The following TBC1D4 variants were observed in gnomAD, a reference collection of about 807,000 sequenced individuals.
TBC1D4 encodes TBC1 domain family member 4.
TBC1D4 carries 121 observed loss-of-function variants against 142.5 expected under a neutral mutation model. The ratio of observed to expected loss-of-function variants is 0.85; its 90% confidence interval spans 0.73 to 0.99. The LOEUF is 0.99. TBC1D4 is among the 50% of genes least tolerant of loss of function. The pLI is 0.00. For synonymous variants in TBC1D4, 630 were observed against 628.2 expected, an observed-to-expected ratio of 1.00 and a Z score of -0.04; for missense variants, 1,475 against 1,606.6, an observed-to-expected ratio of 0.92 and a Z score of 1.40.
At chr13:75,395,057 AG>A in intron 1 of TBC1D4, among the ~76,000 whole-genome samples, 1 of 152,328 alleles carries the variant, frequency 6.6e-6, no homozygotes, top group South Asian at 2.1e-4. Context: ...GTTTGCAGGC[AG>A]TGTGTGTGAA....
At chr13:75,468,748 G>A (rs1263313243) in intron 1 of TBC1D4, among the ~76,000 whole-genome samples, 1 of 152,176 alleles carries the variant, frequency 6.6e-6, no homozygotes, top group Non-Finnish European at 1.5e-5. Flanking sequence ...ATCTTTGCCA[G>A]TAGACATTAA....
chr13:75,442,017 G>A (rs1390789017), intron 1 of TBC1D4, among the ~76,000 whole-genome samples: 1 of 152,218 alleles, frequency 6.6e-6, no homozygotes, highest in Non-Finnish European at 1.5e-5. Flanking sequence ...AAAATGAGTA[G>A]TCATAATTTC....
chr13:75,291,098 C>T (rs771479857), intron 19 of TBC1D4, among the ~76,000 whole-genome samples: 4 of 152,178 alleles, frequency 2.6e-5, no homozygotes, highest in African/African-American at 4.8e-5. Context: ...ACTACACATA[C>T]GGTGTGCAGA....
Position 75,372,229 on chromosome 13 carries a change from C to T in TBC1D4, c.499-9622G>A, listed in dbSNP as rs538198545. 7.3e-4 allele frequency among the ~76,000 whole-genome samples: 111 copies of T among 152,160 alleles called. 1 individual carries two copies. Among genetic ancestry groups the T allele is most frequent in the Admixed American group, 6.5e-3 (99 of 15,278 alleles). On this transcript the variant is annotated intron_variant, in intron 1 of 20. Transcript: ENST00000377636. ...TCAGCCTACTATCTATTTATTCAAC[C>T]AGATGCTCTTTATTTATAAAATTAG...
In TBC1D4 at chr13:75,439,969, C is replaced by A. The variant is rs547139929; in HGVS notation, c.498+41301G>T. Among the ~76,000 whole-genome samples the A allele has an allele frequency of 6.6e-5, 10 of 152,230 alleles. No homozygotes were observed. In the South Asian group the frequency reaches 1.5e-3, roughly 22 times the overall value. On this transcript the variant is annotated intron_variant, in intron 1 of 20. Coordinates refer to ENST00000377636, the MANE Select transcript of TBC1D4 (RefSeq NM_014832.5). ...CATTAACATCTGACTATAAACAGTA[C>A]CTTTTATGAAAAGATTCTTGTACAC...
intron 1 of TBC1D4, among the ~76,000 whole-genome samples, chr13:75,405,251 T>C (rs1182598836): frequency 6.8e-6 from 1 of 147,426 alleles, no homozygotes; most frequent in Non-Finnish European, 1.5e-5. Context: ...TCTGTGTGTA[T>C]ATATACATGT....
intron 1 of TBC1D4, among the ~76,000 whole-genome samples, chr13:75,403,399 TAAAG>T (rs1406649576): frequency 6.6e-6 from 1 of 152,250 alleles, no homozygotes; most frequent in East Asian, 1.9e-4. Context: ...TCATATTGCT[TAAAG>T]AAATTACATT....
chr13:75,332,593 C>T (rs184409902), intron 8 of TBC1D4, among the ~76,000 whole-genome samples: 3 of 13,956 alleles, frequency 2.1e-4, no homozygotes, highest in African/African-American at 2.6e-4. Flanking sequence ...ATTACTGGAC[C>T]CCACCCCGAG....
At chr13:75,420,372 G>A (rs1210813429) in intron 1 of TBC1D4, among the ~76,000 whole-genome samples, 2 of 152,190 alleles carry the variant, frequency 1.3e-5, no homozygotes, top group Non-Finnish European at 2.9e-5. Flanking sequence ...AAAAGTGAAT[G>A]TATAGCATGT....
At chr13:75,343,919 C>A (rs905484186) in intron 5 of TBC1D4, among the ~76,000 whole-genome samples, 47 of 152,300 alleles carry the variant, frequency 3.1e-4, no homozygotes, top group African/African-American at 1.0e-3. Context: ...CAGCTCACTG[C>A]AACCTCTGCC....
At chr13:75,477,805 A>G (rs1488011258) in intron 1 of TBC1D4, among the ~76,000 whole-genome samples, 2 of 152,240 alleles carry the variant, frequency 1.3e-5, no homozygotes, top group Non-Finnish European at 2.9e-5. Flanking sequence ...CTTCATGCCA[A>G]TGGGATTAAG....
At chr13:75,409,830 G>C (rs1885529865) in intron 1 of TBC1D4, among the ~76,000 whole-genome samples, 1 of 152,104 alleles carries the variant, frequency 6.6e-6, no homozygotes, top group Admixed American at 6.5e-5. Context: ...AGCTATAAAG[G>C]TCCCTTCTAA....
chr13:75,327,589 A>T (rs1879372048), intron 9 of TBC1D4, among the ~76,000 whole-genome samples, 163 bp downstream of exon 9: 1 of 152,244 alleles, frequency 6.6e-6, no homozygotes, highest in Non-Finnish European at 1.5e-5. Flanking sequence ...AAGAAGCTAC[A>T]TGCTAATGCC....
chr13:75,392,308 C>A (rs553205822), intron 1 of TBC1D4, among the ~76,000 whole-genome samples: 246 of 152,296 alleles, frequency 1.6e-3, no homozygotes, highest in South Asian at 3.9e-3. Context: ...TCCTCCTTCT[C>A]ACTTTATTTC....
intron 14 of TBC1D4, among the ~76,000 whole-genome samples, chr13:75,308,794 G>A (rs4883994): frequency 0.31 from 47,737 of 151,980 alleles, 8,668 homozygotes; most frequent in Non-Finnish European, 0.41. Context: ...TTATGCTAAC[G>A]ACAAGTAATA....
intron 1 of TBC1D4, among the ~76,000 whole-genome samples, chr13:75,441,592 AT>A (rs763663234): frequency 6.6e-6 from 1 of 152,182 alleles, no homozygotes; most frequent in East Asian, 1.9e-4. Flanking sequence ...TAAAAATATG[AT>A]TTTTTATCTT....
At chr13:75,314,162 C>T (rs1369769818) in intron 12 of TBC1D4, among the ~76,000 whole-genome samples, 1 of 152,192 alleles carries the variant, frequency 6.6e-6, no homozygotes, top group Non-Finnish European at 1.5e-5. Context: ...GAAGACCTCA[C>T]AATAATTGTT....
chr13:75,361,580 A>T (rs1436371882), intron 2 of TBC1D4, among the ~76,000 whole-genome samples: 1 of 152,156 alleles, frequency 6.6e-6, no homozygotes, highest in African/African-American at 2.4e-5. Flanking sequence ...GGGTTTTGCC[A>T]TGTTGGCCAG....
chr13:75,349,257 C>T lies in TBC1D4; in HGVS notation c.1321G>A (p.Ala441Thr). The T allele has an allele frequency of 6.2e-7, 1 of 1,613,990 alleles. No homozygotes were observed. Among genetic ancestry groups the T allele is most frequent in the South Asian group, 1.1e-5 (1 of 91,076 alleles). The change falls in exon 5 of 21, where the codon GCT (alanine) becomes ACT (threonine). Residue 441 changes from alanine to threonine, a missense_variant. Physicochemically the swap from Ala to Thr is moderately conservative, Grantham distance 58 (BLOSUM62 0). Coordinates refer to ENST00000377636, the MANE Select transcript of TBC1D4 (RefSeq NM_014832.5). ...LTLKQAFSTA[A>T]ALQSAKTQIK... The stretch of plus-strand genomic sequence containing the variant: ...TGCGTCTTGGCACTCTGCAGGGCAG[C>T]CGCCGTACTGAAGGCCTGTTTCAGA...
Sources: gnomAD v4.1 joint callset for allele counts (sites outside exome capture counted in the v4.1 genomes callset) on GRCh38, gnomAD v4.1.1 for gene constraint, MANE v1.5 for transcripts, NCBI Gene and HGNC (gene_info 2026-07-23, HGNC 2026-07-21) for gene names.